SYNE2: variants seen among roughly 807,000 people sequenced by gnomAD.
SYNE2 encodes the protein spectrin repeat containing nuclear envelope protein 2.
Under a neutral mutation model 856.3 loss-of-function variants are expected in SYNE2, and 431 were observed. That is an observed-to-expected ratio of 0.50 (90% CI 0.47 to 0.55). The LOEUF is 0.55. Among genes scored for constraint, SYNE2 ranks in the 20% least tolerant of loss-of-function variants. SYNE2 has a pLI of 0.00. For missense variants in SYNE2, 8,129 were observed against 8,023.2 expected, an observed-to-expected ratio of 1.01 and a Z score of -0.50; for synonymous variants, 2,923 against 2,872.3, an observed-to-expected ratio of 1.02 and a Z score of -0.56.
intron 50 of SYNE2, among the ~76,000 whole-genome samples, chr14:64,064,196 G>T (rs2097339884): frequency 2.6e-5 from 4 of 152,180 alleles, no homozygotes. Context: ...GTAGCGTTGG[G>T]CTACTATTCA....
At chr14:64,207,130 C>T (rs1197400058) in intron 100 of SYNE2, among the ~76,000 whole-genome samples, 1 of 152,202 alleles carries the variant, frequency 6.6e-6, no homozygotes, top group African/African-American at 2.4e-5. Context: ...AAACACATCT[C>T]TTCTGAATAT....
chr14:64,202,891 T>A lies in SYNE2; in HGVS notation c.18129T>A (p.Ser6043=), dbSNP rs1393474157. ...GCACCTGGTTGGCTCGAATTGAGTCTGAGCTTTCCAAGCCTGTTGTTTATG... is the reference window on the plus strand; with the variant it reads ...GCACCTGGTTGGCTCGAATTGAGTCAGAGCTTTCCAAGCCTGTTGTTTATG... ...NLRTWLARIE[S]ELSKPVVYDV... The change falls in exon 100 of 116, where the codon TCT becomes TCA. Residue 6043 remains serine, a synonymous_variant. Transcript: ENST00000555002. 6.2e-7 allele frequency: 1 copy of A among 1,614,222 alleles called. No individual in the cohort carries two copies. The highest frequency in any genetic ancestry group is 1.1e-5 in the South Asian group (1 of 91,082).
At chr14:64,154,591 A>G (rs1375399605) in intron 85 of SYNE2, among the ~76,000 whole-genome samples, 1 of 152,012 alleles carries the variant, frequency 6.6e-6, no homozygotes, top group Non-Finnish European at 1.5e-5. Context: ...TCAGCAGTTT[A>G]AGACCAGCCT....
At chr14:63,944,374 G>C (rs921095031) in intron 6 of SYNE2, among the ~76,000 whole-genome samples, 1 of 150,278 alleles carries the variant, frequency 6.7e-6, no homozygotes, top group Middle Eastern at 3.6e-3. Context: ...TAGTCAGAAA[G>C]CTCATGATCA....
At chr14:64,200,616 C>T (rs977746177) in intron 99 of SYNE2, among the ~76,000 whole-genome samples, 1 of 152,228 alleles carries the variant, frequency 6.6e-6, no homozygotes, top group Non-Finnish European at 1.5e-5. Context: ...GATTCTGTTA[C>T]TTTCTTTTTA....
At position 64,017,756 on chromosome 14, in the gene SYNE2, G is replaced by A; in HGVS notation, c.5049G>A (p.Lys1683=). The A allele has an allele frequency of 1.2e-6, 2 of 1,613,346 alleles. No individual in the cohort carries two copies. Among genetic ancestry groups the A allele is most frequent in the Non-Finnish European group, 1.7e-6 (2 of 1,179,584 alleles). Reference sequence around the variant, plus strand: ...CTGAAGAGGACAGAGAAAGGCTGAAGGTAATTTAACAGATAAAATACATGC... The same window carrying A: ...CTGAAGAGGACAGAGAAAGGCTGAAAGTAATTTAACAGATAAAATACATGC... ...QLTEEDRERL[K]EELQVHEQKT... The change falls in exon 34 of 116, where the codon AAG becomes AAA. Residue 1683 remains lysine, a splice_region_variant and synonymous_variant. Coordinates refer to ENST00000555002, the MANE Select transcript of SYNE2 (RefSeq NM_182914.3).
chr14:63,912,361 G>A (rs992216808), intron 2 of SYNE2, among the ~76,000 whole-genome samples: 2 of 152,006 alleles, frequency 1.3e-5, no homozygotes, highest in Admixed American at 1.3e-4. Flanking sequence ...AAAAAAAGAT[G>A]GACAATATTA....
chr14:63,817,515 G>A lies in SYNE2; in HGVS notation c.-304-34986G>A, dbSNP rs374462055. On this transcript the variant is annotated intron_variant, in intron 1 of 23. Coordinates refer to the SYNE2 transcript ENST00000674003. The stretch of plus-strand genomic sequence containing the variant: ...AAACAAACAAACAAAAAAAGACGTA[G>A]GTCATCATTCTCCACCCACTTCTTT... Among the ~76,000 whole-genome samples the A allele has an allele frequency of 6.8e-4, 104 of 151,968 alleles. 1 individual carries two copies. The South Asian group carries it at 0.016, about 24-fold the overall frequency.
intron 64 of SYNE2, among the ~76,000 whole-genome samples, chr14:64,102,552 A>G (rs1276689986): frequency 1.1e-5 from 1 of 94,682 alleles, no homozygotes; most frequent in South Asian, 3.3e-4. Context: ...GTATATATTT[A>G]TGGTATACAA....
chr14:63,884,643 C>T (rs1398546409), intron 1 of SYNE2, among the ~76,000 whole-genome samples: 1 of 151,830 alleles, frequency 6.6e-6, no homozygotes, highest in African/African-American at 2.4e-5. Flanking sequence ...TGTGCAAAGA[C>T]GGGAAGGTGA....
At position 63,829,438 on chromosome 14, in the gene SYNE2, A is replaced by C. The variant is rs141633043; in HGVS notation, c.-304-23063A>C. The stretch of plus-strand genomic sequence containing the variant: ...TGTCAAAAACAAACAAACAAAAAAA[A>C]ACAAAAAAAGTCTAGCGTTTCTTCT... On this transcript the variant is annotated intron_variant, in intron 1 of 23. Transcript: ENST00000674003. Among the ~76,000 whole-genome samples, 193 of 152,170 alleles carry C rather than the reference A, an allele frequency of 1.3e-3. 2 individuals carry two copies. Among genetic ancestry groups the C allele is most frequent in the African/African-American group, 4.4e-3 (183 of 41,520 alleles).
intron 96 of SYNE2, among the ~76,000 whole-genome samples, chr14:64,180,764 A>T (rs2098454247): frequency 6.6e-6 from 1 of 152,198 alleles, no homozygotes; most frequent in Non-Finnish European, 1.5e-5. Flanking sequence ...TTGGCCTCCC[A>T]AAGTGCTGGG....
chr14:63,963,229 C>G (rs1255886), intron 9 of SYNE2, among the ~76,000 whole-genome samples: 1 of 151,892 alleles, frequency 6.6e-6, no homozygotes, highest in Admixed American at 6.6e-5. Flanking sequence ...TCTTTTCTAA[C>G]TAATTTTCAT....
At chr14:64,045,751 A>C (rs2097181717) in intron 45 of SYNE2, among the ~76,000 whole-genome samples, 1 of 152,264 alleles carries the variant, frequency 6.6e-6, no homozygotes, top group South Asian at 2.1e-4. Context: ...AAGTACTTCA[A>C]AACCAGTAAC....
At chr14:63,931,425 C>T (rs2095753276) in intron 2 of SYNE2, among the ~76,000 whole-genome samples, 1 of 151,810 alleles carries the variant, frequency 6.6e-6, no homozygotes, top group South Asian at 2.1e-4. Context: ...TGGAGGGCAC[C>T]TGTAATCCCA....
intron 82 of SYNE2, among the ~76,000 whole-genome samples, chr14:64,143,104 C>T (rs1054947171): frequency 3.3e-5 from 5 of 152,202 alleles, no homozygotes; most frequent in Admixed American, 2.6e-4. Flanking sequence ...AAAGTCTACA[C>T]GTGTATATTC....
intron 1 of SYNE2, among the ~76,000 whole-genome samples, chr14:63,829,721 A>G (rs71416315): frequency 0.056 from 8,534 of 152,104 alleles, 264 homozygotes; most frequent in Middle Eastern, 0.099. Flanking sequence ...GGATGAAGCT[A>G]TCCTACCTCC....
intron 59 of SYNE2, 50 bp downstream of exon 59, chr14:64,089,746 C>A (rs960966684): frequency 7.1e-7 from 1 of 1,404,514 alleles, no homozygotes. Context: ...CTTATTATGT[C>A]TTTTTCAAAA....
intron 8 of SYNE2, chr14:63,956,494 A>G: frequency 4.4e-6 from 2 of 455,412 alleles, no homozygotes; most frequent in South Asian, 3.1e-5. Context: ...AGCTAGTTCC[A>G]GCACACTCAC....
Sources: gnomAD v4.1 joint callset for allele counts (sites outside exome capture counted in the v4.1 genomes callset) on GRCh38, gnomAD v4.1.1 for gene constraint, MANE v1.5 for transcripts, NCBI Gene and HGNC (gene_info 2026-07-23, HGNC 2026-07-21) for gene names.